Variants in BANK1 observed in about 807,000 individuals in gnomAD.
BANK1 encodes B-cell scaffold protein with ankyrin repeats.
A neutral mutation model predicts 94.5 loss-of-function variants in BANK1; 95 were observed. The observed-to-expected ratio is 1.00, with a 90% CI of 0.85 to 1.19. The LOEUF (loss-of-function observed/expected upper bound fraction) is 1.19. Ranked by LOEUF, BANK1 falls within the 50% of genes most tolerant of loss-of-function variation. BANK1 has a pLI of 0.00. For missense variants in BANK1, 987 were observed against 932.2 expected (o/e 1.06, Z -0.77); for synonymous variants, 334 against 308.4 (o/e 1.08, Z -0.87).
intron 10 of BANK1, among the ~76,000 whole-genome samples, chr4:102,038,004 C>A (rs1273393815): frequency 6.6e-6 from 1 of 152,176 alleles, no homozygotes; most frequent in Non-Finnish European, 1.5e-5. Flanking sequence ...CTATCTAGAA[C>A]AAAGGGGCCA....
chr4:101,811,215 A>G (rs1330966337), intron 1 of BANK1, among the ~76,000 whole-genome samples: 2 of 152,218 alleles, frequency 1.3e-5, no homozygotes, highest in Non-Finnish European at 2.9e-5. Context: ...TCTAAGACAG[A>G]CAACTTGTTA....
chr4:101,968,611 C>T (rs1724843777), intron 7 of BANK1, among the ~76,000 whole-genome samples: 2 of 151,846 alleles, frequency 1.3e-5, no homozygotes, highest in Non-Finnish European at 1.5e-5. Context: ...ATGGGTGGGG[C>T]TCTGCTCCCA....
chr4:102,044,047 A>G, intron 11 of BANK1, 140 bp downstream of exon 11: 1 of 490,150 alleles, frequency 2.0e-6, no homozygotes, highest in African/African-American at 2.0e-5. Flanking sequence ...TATTATTATT[A>G]TACTTTAAGT....
intron 1 of BANK1, among the ~76,000 whole-genome samples, chr4:101,798,801 T>C (rs1234326597): frequency 2.6e-5 from 4 of 152,216 alleles, no homozygotes; most frequent in Non-Finnish European, 5.9e-5. Flanking sequence ...CACTTTTTGA[T>C]GGGGTTGTTT....
intron 1 of BANK1, among the ~76,000 whole-genome samples, chr4:101,804,411 CAA>C (rs1725481215): frequency 6.6e-6 from 1 of 152,102 alleles, no homozygotes; most frequent in South Asian, 2.1e-4. Context: ...TATTACAGTA[CAA>C]AGAGATGTCT....
intron 6 of BANK1, among the ~76,000 whole-genome samples, chr4:101,905,398 C>G (rs982122465): frequency 1.3e-5 from 2 of 152,150 alleles, no homozygotes; most frequent in African/African-American, 4.8e-5. Context: ...CTGGAAATGC[C>G]CCCGTTTAGA....
At chr4:101,891,380 A>G (rs1490903638) in intron 5 of BANK1, among the ~76,000 whole-genome samples, 1 of 152,102 alleles carries the variant, frequency 6.6e-6, no homozygotes, top group Non-Finnish European at 1.5e-5. Flanking sequence ...CCATATAGAT[A>G]AAGTTTTATT....
At chr4:102,035,476 G>C (rs1396402521) in intron 10 of BANK1, among the ~76,000 whole-genome samples, 1 of 151,896 alleles carries the variant, frequency 6.6e-6, no homozygotes, top group Non-Finnish European at 1.5e-5. Context: ...GTGAAACCCC[G>C]TCTCTACTAA....
At chr4:101,807,867 G>C (rs879590842) in intron 1 of BANK1, among the ~76,000 whole-genome samples, 1 of 151,926 alleles carries the variant, frequency 6.6e-6, no homozygotes, top group African/African-American at 2.4e-5. Context: ...GATCACCTGA[G>C]GTCAGGAGTT....
rs553493515 is a variant in BANK1, at chr4:101,866,595, GA to G, written c.764-3906del. On this transcript the variant is annotated intron_variant, in intron 4 of 16. Transcript: ENST00000322953. Reference sequence around the variant, plus strand: ...AGAGAAAATCTTGTCAGAAGCCAGAGAAAACGAATACCTTACCTGTAGAGAA... The same window carrying G: ...AGAGAAAATCTTGTCAGAAGCCAGAGAAACGAATACCTTACCTGTAGAGAA... Among the ~76,000 whole-genome samples, 140 of 152,210 alleles carry G rather than the reference GA, an allele frequency of 9.2e-4. 1 individual carries two copies. The highest frequency in any genetic ancestry group is 6.8e-3 in the Middle Eastern group (2 of 294).
intron 2 of BANK1, among the ~76,000 whole-genome samples, chr4:101,843,626 T>C (rs1727139299): frequency 6.6e-6 from 1 of 152,142 alleles, no homozygotes; most frequent in South Asian, 2.1e-4. Flanking sequence ...CTTTTAAATA[T>C]ATGGCTACAG....
intron 8 of BANK1, among the ~76,000 whole-genome samples, chr4:102,021,852 G>T (rs1446960663): frequency 6.6e-6 from 1 of 151,966 alleles, no homozygotes; most frequent in Non-Finnish European, 1.5e-5. Flanking sequence ...ACTCTGTTAT[G>T]ACTATGTGGA....
At chr4:101,983,450 A>G (rs546771191) in intron 7 of BANK1, among the ~76,000 whole-genome samples, 2 of 152,176 alleles carry the variant, frequency 1.3e-5, no homozygotes, top group African/African-American at 4.8e-5. Flanking sequence ...CTCATCCATA[A>G]AACAGTCTCT....
At chr4:102,073,548 G>T in intron 15 of BANK1, 136 bp from the exon 16 acceptor site, 1 of 677,590 alleles carries the variant, frequency 1.5e-6, no homozygotes, top group South Asian at 1.9e-5. Context: ...ATGGAAGATT[G>T]TCTTGCCAGT....
intron 6 of BANK1, among the ~76,000 whole-genome samples, chr4:101,917,420 G>A (rs1722863000): frequency 6.6e-6 from 1 of 151,826 alleles, no homozygotes; most frequent in African/African-American, 2.4e-5. Context: ...CTAAGACATT[G>A]ATAAAAAAGT....
chr4:102,001,327 C>T (rs902047532), intron 7 of BANK1, among the ~76,000 whole-genome samples: 3 of 152,276 alleles, frequency 2.0e-5, no homozygotes, highest in East Asian at 1.9e-4. Context: ...CTGGGCTGGG[C>T]GCAGTGGCTC....
chr4:101,823,303 A>G (rs1726243276), intron 1 of BANK1, among the ~76,000 whole-genome samples: 1 of 152,222 alleles, frequency 6.6e-6, no homozygotes, highest in Non-Finnish European at 1.5e-5. Flanking sequence ...ATGTATATAA[A>G]TCATGTAGAC....
At chr4:102,064,730 A>T (rs1728533277) in intron 13 of BANK1, among the ~76,000 whole-genome samples, 1 of 152,244 alleles carries the variant, frequency 6.6e-6, no homozygotes, top group Non-Finnish European at 1.5e-5. Context: ...TAGGAGGCAG[A>T]CAGTAGGTAG....
At chr4:101,848,377 G>A (rs1167304436) in intron 2 of BANK1, among the ~76,000 whole-genome samples, 1 of 152,090 alleles carries the variant, frequency 6.6e-6, no homozygotes. Context: ...CCTCCTGTCC[G>A]CCATGATCTC....
Sources: gnomAD v4.1 joint callset for allele counts (sites outside exome capture counted in the v4.1 genomes callset) on GRCh38, gnomAD v4.1.1 for gene constraint, MANE v1.5 for transcripts, NCBI Gene and HGNC (gene_info 2026-07-23, HGNC 2026-07-21) for gene names.